Variants in CFDP1 observed in about 807,000 individuals in gnomAD.
The protein encoded by CFDP1 is heterochromatin-stabilizing protein CFDP1.
A neutral mutation model predicts 40.1 loss-of-function variants in CFDP1; 31 were observed. The ratio of observed to expected loss-of-function variants is 0.77; its 90% CI spans 0.58 to 1.04. The LOEUF (loss-of-function observed/expected upper bound fraction) is 1.04, where lower values mean the gene tolerates loss of function less well. Ranked by LOEUF, CFDP1 falls within the 50% of genes least tolerant of loss-of-function variation. The pLI is 0.00. For missense variants in CFDP1, 423 were observed against 343.4 expected (o/e 1.23, Z -1.83); for synonymous variants, 167 against 120.0 (o/e 1.39, Z -2.56).
At chr16:75,296,100 G>C (rs1275172386) in intron 6 of CFDP1, among the ~76,000 whole-genome samples, 2 of 152,174 alleles carry the variant, frequency 1.3e-5, no homozygotes, top group African/African-American at 2.4e-5. Context: ...CTCAGCATGA[G>C]ATCTTGCTGT....
At chr16:75,340,896 T>C (rs186778676) in intron 5 of CFDP1, among the ~76,000 whole-genome samples, 2 of 152,320 alleles carry the variant, frequency 1.3e-5, no homozygotes, top group Admixed American at 6.5e-5. Context: ...GGTTCATTTA[T>C]CAGCAGGAAA....
intron 6 of CFDP1, among the ~76,000 whole-genome samples, chr16:75,298,982 T>G (rs952026380): frequency 1.3e-5 from 2 of 152,206 alleles, no homozygotes; most frequent in Non-Finnish European, 2.9e-5. Flanking sequence ...GACTAGCCAG[T>G]GTTTCTCTTC....
chr16:75,339,528 T>C (rs1205689176), intron 5 of CFDP1, among the ~76,000 whole-genome samples: 1 of 152,166 alleles, frequency 6.6e-6, no homozygotes, highest in African/African-American at 2.4e-5. Flanking sequence ...CTCATGGCTG[T>C]CTAGATCCTC....
chr16:75,325,861 G>C (rs2078397537), intron 5 of CFDP1, among the ~76,000 whole-genome samples: 1 of 152,228 alleles, frequency 6.6e-6, no homozygotes, highest in Non-Finnish European at 1.5e-5. Flanking sequence ...TTCAGAGCAA[G>C]CACAGGGAAC....
At chr16:75,387,227 G>A (rs1438066547) in intron 5 of CFDP1, among the ~76,000 whole-genome samples, 2 of 150,080 alleles carry the variant, frequency 1.3e-5, no homozygotes, top group African/African-American at 4.9e-5. Context: ...TGCAAGCTCC[G>A]CCTCCCGGGC....
intron 5 of CFDP1, among the ~76,000 whole-genome samples, chr16:75,366,150 T>A (rs751435053): frequency 5.3e-5 from 8 of 152,172 alleles, no homozygotes; most frequent in Non-Finnish European, 8.8e-5. Flanking sequence ...AACTGATGAA[T>A]GGGATAAGTA....
intron 4 of CFDP1, among the ~76,000 whole-genome samples, chr16:75,410,609 TA>T (rs1450459822): frequency 6.6e-6 from 1 of 150,826 alleles, no homozygotes; most frequent in East Asian, 2.0e-4. Context: ...CTGTCTCTAC[TA>T]AAACTACAAA....
At chr16:75,309,343 G>T (rs917415166) in intron 5 of CFDP1, among the ~76,000 whole-genome samples, 40 of 152,098 alleles carry the variant, frequency 2.6e-4, no homozygotes, top group African/African-American at 8.9e-4. Context: ...ATCAGTCTCT[G>T]GGCAGGGGGC....
intron 1 of CFDP1, among the ~76,000 whole-genome samples, chr16:75,418,306 C>A (rs181783): frequency 9.3e-6 from 1 of 107,164 alleles, no homozygotes. Flanking sequence ...AACTCTAACC[C>A]TTTTTTTTTT....
intron 4 of CFDP1, among the ~76,000 whole-genome samples, chr16:75,397,528 GGC>G (rs2079006607): frequency 6.8e-6 from 1 of 147,192 alleles, no homozygotes; most frequent in Non-Finnish European, 1.5e-5. Flanking sequence ...ACAGGCCGGG[GGC>G]AGTGGCTCAC....
Position 75,397,165 on chromosome 16 carries a change from T to C in CFDP1, c.531-1956A>G, listed in dbSNP as rs868224245. Among the ~76,000 whole-genome samples, 106 of 151,636 alleles carry C rather than the reference T, an allele frequency of 7.0e-4. No individual in the cohort carries two copies. The Middle Eastern group carries it at 0.01, about 15-fold the overall frequency. ...TCCTGACCTTGTGATCTGCCCGCCT[T>C]GGCCTCCCAAAGTGCTGGGATTACA... is the stretch of plus-strand genomic sequence containing the variant. On this transcript the variant is annotated intron_variant, in intron 4 of 6. Coordinates refer to ENST00000283882, the MANE Select transcript of CFDP1 (RefSeq NM_006324.3).
At chr16:75,363,973 A>ACACACACACACAC (rs2078696698) in intron 5 of CFDP1, among the ~76,000 whole-genome samples, 1 of 150,874 alleles carries the variant, frequency 6.6e-6, no homozygotes, top group African/African-American at 2.5e-5. Flanking sequence ...ACACACACAC[A>ACACACACACACAC]GCCATGCAAT....
chr16:75,343,284 T>G (rs2078539066), intron 5 of CFDP1, among the ~76,000 whole-genome samples: 1 of 152,138 alleles, frequency 6.6e-6, no homozygotes, highest in Non-Finnish European at 1.5e-5. Flanking sequence ...CTGCTGGCAC[T>G]AGATAGCAGG....
At chr16:75,385,396 A>T (rs549324358) in intron 5 of CFDP1, among the ~76,000 whole-genome samples, 2 of 152,290 alleles carry the variant, frequency 1.3e-5, no homozygotes, top group East Asian at 3.9e-4. Flanking sequence ...AAAAAATTTA[A>T]GTGGTGGGAC....
chr16:75,407,670 A>G (rs912828353), intron 4 of CFDP1, among the ~76,000 whole-genome samples: 6 of 146,308 alleles, frequency 4.1e-5, no homozygotes, highest in Non-Finnish European at 6.0e-5. Flanking sequence ...AAAAAAAAAA[A>G]AAGAAAAAAA....
intron 1 of CFDP1, among the ~76,000 whole-genome samples, chr16:75,415,618 G>A (rs2079196372): frequency 6.6e-6 from 1 of 152,198 alleles, no homozygotes; most frequent in Non-Finnish European, 1.5e-5. Context: ...GAAGCCTGCA[G>A]TGTGTACTCT....
intron 5 of CFDP1, among the ~76,000 whole-genome samples, chr16:75,331,981 T>C (rs2033554991): frequency 6.6e-6 from 1 of 152,250 alleles, no homozygotes; most frequent in Non-Finnish European, 1.5e-5. Context: ...CAATATTTGT[T>C]GTTACTCAGT....
intron 5 of CFDP1, among the ~76,000 whole-genome samples, chr16:75,315,404 A>G (rs1459153590): frequency 1.3e-5 from 2 of 151,638 alleles, no homozygotes; most frequent in African/African-American, 4.8e-5. Context: ...ATGATACTCA[A>G]TAACGAGAAA....
intron 5 of CFDP1, among the ~76,000 whole-genome samples, chr16:75,311,824 C>G (rs1466513940): frequency 1.3e-5 from 2 of 151,082 alleles, no homozygotes; most frequent in Non-Finnish European, 2.9e-5. Flanking sequence ...AGACTGGCCC[C>G]GAACTCCTGG....
Sources: gnomAD v4.1 joint callset for allele counts (sites outside exome capture counted in the v4.1 genomes callset) on GRCh38, gnomAD v4.1.1 for gene constraint, MANE v1.5 for transcripts, NCBI Gene and HGNC (gene_info 2026-07-23, HGNC 2026-07-21) for gene names.